Variants in ARHGEF12 observed in about 807,000 individuals in gnomAD.
The protein encoded by ARHGEF12 is Rho guanine nucleotide exchange factor 12, also known as KMT2A/ARHGEF12 fusion protein.
A neutral mutation model predicts 211.2 loss-of-function variants in ARHGEF12; 66 were observed. The observed-to-expected ratio is 0.31, with a 90% CI of 0.26 to 0.38. The LOEUF is 0.38. Among genes scored for constraint, ARHGEF12 ranks in the 10% least tolerant of loss-of-function variants. The pLI, the probability that ARHGEF12 is intolerant of heterozygous loss-of-function variation, is 1.00. For synonymous variants in ARHGEF12, 592 were observed against 638.4 expected (o/e 0.93, Z 1.09); for missense variants, 1,429 against 1,869.5 (o/e 0.76, Z 4.34).
intron 21 of ARHGEF12, chr11:120,449,720 GAAAA>G (rs141631919): frequency 1.7e-5 from 2 of 117,926 alleles, no homozygotes; most frequent in African/African-American, 3.1e-5. Context: ...AAAAAGAAAA[GAAAA>G]AAAAAAAACG....
chr11:120,439,242 T>C (rs898226064), intron 12 of ARHGEF12: 1 of 152,222 alleles, frequency 6.6e-6, no homozygotes, highest in African/African-American at 2.4e-5. Context: ...GAGGAGCTAT[T>C]GCATGGGAAA....
intron 1 of ARHGEF12, among the ~76,000 whole-genome samples, chr11:120,389,670 AC>A (rs1273206838): frequency 2.0e-5 from 3 of 151,898 alleles, no homozygotes; most frequent in Non-Finnish European, 4.4e-5. Context: ...TACTATAATC[AC>A]CCTCCACTAC....
intron 5 of ARHGEF12, among the ~76,000 whole-genome samples, chr11:120,421,230 A>G (rs1242554437): frequency 6.6e-6 from 1 of 152,148 alleles, no homozygotes; most frequent in Non-Finnish European, 1.5e-5. Context: ...AACAGTGATA[A>G]TATTTTCTAC....
intron 1 of ARHGEF12, among the ~76,000 whole-genome samples, chr11:120,357,193 A>AT (rs2135341932): frequency 6.6e-6 from 1 of 152,054 alleles, no homozygotes; most frequent in East Asian, 1.9e-4. Flanking sequence ...GGGTTTCACC[A>AT]TGTTGGCCGT....
chr11:120,448,383 C>A, intron 20 of ARHGEF12, 35 bp downstream of exon 20: 1 of 1,516,846 alleles, frequency 6.6e-7, no homozygotes. Context: ...ATGTTCAGGC[C>A]TTAGGGCTTC....
chr11:120,477,519 G>C lies in ARHGEF12; in HGVS notation c.3525G>C (p.Gln1175His). ...EQHGISVTGL[Q>H]SPDRDLGLES... ...ATGGCATTTCAGTCACTGGTTTGCA[G>C]AGTCCAGGTACACTCTTCTGAAGAG... The change falls in exon 36 of 41, where the codon CAG becomes CAC. Residue 1175 changes from glutamine (Q) to histidine (H), a missense_variant. Transcript: ENST00000397843. 1.2e-6 allele frequency: 2 copies of C among 1,611,322 alleles called. No homozygotes were observed. The highest frequency in any genetic ancestry group is 1.7e-6 in the Non-Finnish European group (2 of 1,179,624).
chr11:120,427,032 A>G (rs1945365913), intron 7 of ARHGEF12, among the ~76,000 whole-genome samples: 1 of 151,996 alleles, frequency 6.6e-6, no homozygotes, highest in East Asian at 1.9e-4. Flanking sequence ...ATGTGCCACC[A>G]CGCCCGGCTA....
At chr11:120,423,964 A>G (rs1348158974) in intron 6 of ARHGEF12, among the ~76,000 whole-genome samples, 1 of 152,210 alleles carries the variant, frequency 6.6e-6, no homozygotes, top group Non-Finnish European at 1.5e-5. Context: ...AATATTGTGG[A>G]AATACTTATT....
chr11:120,479,528 G>A (rs991387697), intron 37 of ARHGEF12, among the ~76,000 whole-genome samples: 5 of 152,154 alleles, frequency 3.3e-5, no homozygotes, highest in Non-Finnish European at 7.3e-5. Flanking sequence ...TGCATATAGT[G>A]TCTGGATCTG....
intron 4 of ARHGEF12, chr11:120,410,491 G>A (rs1944851072): frequency 6.6e-6 from 1 of 152,070 alleles, no homozygotes. Context: ...TCCCCCAGGT[G>A]CAGATAGATG....
At chr11:120,354,832 C>G (rs1943086499) in intron 1 of ARHGEF12, among the ~76,000 whole-genome samples, 1 of 152,182 alleles carries the variant, frequency 6.6e-6, no homozygotes. Flanking sequence ...ATGCAAAAGG[C>G]AGTGCTCTTC....
At chr11:120,404,836 T>A (rs779029243) in intron 1 of ARHGEF12, among the ~76,000 whole-genome samples, 1 of 152,188 alleles carries the variant, frequency 6.6e-6, no homozygotes, top group Non-Finnish European at 1.5e-5. Flanking sequence ...AAGAAACATG[T>A]TCCCATTCCC....
intron 1 of ARHGEF12, among the ~76,000 whole-genome samples, chr11:120,349,354 C>T (rs1022520542): frequency 2.0e-5 from 3 of 152,066 alleles, no homozygotes; most frequent in African/African-American, 7.2e-5. Context: ...TTTTGACTCC[C>T]TGGCCGACTT....
intron 1 of ARHGEF12, among the ~76,000 whole-genome samples, chr11:120,393,883 C>A (rs774036620): frequency 4.6e-5 from 7 of 151,158 alleles, no homozygotes; most frequent in Non-Finnish European, 1.0e-4. Flanking sequence ...TGTTTGCAAG[C>A]AGACATGGGA....
In ARHGEF12 at chr11:120,398,561, C is replaced by T. The variant is rs530015445; in HGVS notation, c.33-7557C>T. Reference sequence around the variant, plus strand: ...AGTCTGGGGTATTCAGATTTGGCAGCAGAAAGTGTGTTTTTTTTGTGTGTG... The same window carrying T: ...AGTCTGGGGTATTCAGATTTGGCAGTAGAAAGTGTGTTTTTTTTGTGTGTG... On this transcript the variant is annotated intron_variant, in intron 1 of 40. Coordinates refer to ENST00000397843, the MANE Select transcript of ARHGEF12 (RefSeq NM_015313.3). Among the ~76,000 whole-genome samples the T allele has an allele frequency of 2.6e-5, 4 of 152,194 alleles. No individual in the cohort carries two copies. The South Asian group carries it at 8.3e-4, about 32-fold the overall frequency.
chr11:120,351,464 T>A lies in ARHGEF12; in HGVS notation c.32+14189T>A, dbSNP rs1336762278. On this transcript the variant is annotated intron_variant, in intron 1 of 40. Transcript: ENST00000397843. ...ATATATATATATATATATTTTTTTT[T>A]TTTTTTTTTTTTTTTTTGAGACAAA... Among the ~76,000 whole-genome samples, 9 of 53,980 alleles carry A rather than the reference T, an allele frequency of 1.7e-4. 1 individual carries two copies. The highest frequency in any genetic ancestry group is 6.4e-4 in the African/African-American group (8 of 12,408). 35.4% of individuals were successfully genotyped at this position (53,980 alleles called of 152,430 possible).
rs929414524 is a variant in ARHGEF12 at position 120,389,142 on chromosome 11, A to T, written c.33-16976A>T. 1.1e-4 allele frequency among the ~76,000 whole-genome samples: 16 copies of T among 152,286 alleles called. 1 individual carries two copies. The highest frequency in any genetic ancestry group is 2.0e-4 in the Admixed American group (3 of 15,296). ...TGCCTCAGCCTCCCAAGGTGCTAGG[A>T]TTACAGGCATGAGCCACCATGCCCG... On this transcript the variant is annotated intron_variant, in intron 1 of 40. Transcript: ENST00000397843.
At chr11:120,354,879 T>C (rs930057109) in intron 1 of ARHGEF12, among the ~76,000 whole-genome samples, 2 of 152,042 alleles carry the variant, frequency 1.3e-5, no homozygotes, top group African/African-American at 4.8e-5. Flanking sequence ...TTATAGCCCT[T>C]AGGGAGATCT....
intron 4 of ARHGEF12, among the ~76,000 whole-genome samples, chr11:120,420,475 T>C (rs779426011): frequency 1.3e-5 from 2 of 152,208 alleles, no homozygotes; most frequent in Non-Finnish European, 2.9e-5. Context: ...AGCTGTCTCA[T>C]GTCTAATACT....
Sources: gnomAD v4.1 joint callset for allele counts (sites outside exome capture counted in the v4.1 genomes callset) on GRCh38, gnomAD v4.1.1 for gene constraint, MANE v1.5 for transcripts, NCBI Gene and HGNC (gene_info 2026-07-23, HGNC 2026-07-21) for gene names.